Variants in KIF4A observed in about 807,000 individuals in gnomAD.
KIF4A encodes the protein chromosome-associated kinesin KIF4A.
A neutral mutation model predicts 105.9 loss-of-function variants in KIF4A; 7 were observed. The observed-to-expected ratio is 0.07, with a 90% CI of 0.04 to 0.12. KIF4A has a LOEUF of 0.12. Among genes scored for constraint, KIF4A ranks in the 10% least tolerant of loss-of-function variants. The pLI is 1.00. For missense variants in KIF4A, 558 were observed against 929.2 expected, an observed-to-expected ratio of 0.60 and a Z score of 5.19; for synonymous variants, 281 against 331.3, an observed-to-expected ratio of 0.85 and a Z score of 1.65.
chrX:70,404,631 C>T (rs984845696), intron 24 of KIF4A, 84 bp from the exon 25 acceptor site: 2 of 585,273 alleles, frequency 3.4e-6, no homozygotes, highest in African/African-American at 4.5e-5. Flanking sequence ...GAGCAGTCAC[C>T]TGGATCACTG....
chrX:70,300,084 C>G (rs1171615783), intron 5 of KIF4A, among the ~76,000 whole-genome samples: 1 of 111,600 alleles, frequency 9.0e-6, no homozygotes, highest in Non-Finnish European at 1.9e-5. Context: ...CTCCTGTTCT[C>G]CTTCCCTTCT....
intron 13 of KIF4A, among the ~76,000 whole-genome samples, chrX:70,344,374 A>G (rs1446784987): frequency 8.9e-6 from 1 of 111,909 alleles, no homozygotes; most frequent in Non-Finnish European, 1.9e-5. Context: ...AGGGAATACC[A>G]TAAGCCTCTT....
chrX:70,355,353 C>G (rs1181652609), intron 15 of KIF4A, among the ~76,000 whole-genome samples: 1 of 111,503 alleles, frequency 9.0e-6, no homozygotes, highest in Non-Finnish European at 1.9e-5. Context: ...CAGCCCCAGT[C>G]CCTCCCCAGG....
rs150666581 is a variant in KIF4A at position 70,361,924 on chromosome X, C to T, written c.1674+8117C>T. 3.0e-3 allele frequency among the ~76,000 whole-genome samples: 340 copies of T among 112,353 alleles called. 2 individuals are homozygous for T. Among genetic ancestry groups the T allele is most frequent in the African/African-American group, 0.011 (334 of 30,986 alleles). Reference sequence around the variant, plus strand: ...CATTCAGACTCTGAGTCTCTGTGTGCACCTGGGATGCCTCACCCTCTTTGT... The same window carrying T: ...CATTCAGACTCTGAGTCTCTGTGTGTACCTGGGATGCCTCACCCTCTTTGT... On this transcript the variant is annotated intron_variant, in intron 15 of 30. Coordinates refer to ENST00000374403, the MANE Select transcript of KIF4A (RefSeq NM_012310.5).
chrX:70,411,770 T>C (rs919630743), intron 28 of KIF4A, among the ~76,000 whole-genome samples: 2 of 110,849 alleles, frequency 1.8e-5, no homozygotes. Flanking sequence ...AAAGAATCCC[T>C]TGGCCGGGTG....
chrX:70,353,806 A>G lies in KIF4A; in HGVS notation c.1673A>G (p.Gln558Arg), dbSNP rs749084945. The change falls in exon 15 of 31, where the codon CAG (glutamine) becomes CGG (arginine). Residue 558 changes from glutamine (Q) to arginine (R), a missense_variant and splice_region_variant. Gln to Arg is a conservative substitution (Grantham distance 43). Around this residue, in one of 2 missense-constraint regions of KIF4A, gnomAD observed 469 missense variants for 680.4 expected, o/e 0.69. Coordinates refer to ENST00000374403, the MANE Select transcript of KIF4A (RefSeq NM_012310.5). ...SQLQPIQYQYQDNIKELELEV... is the reference protein window; with the variant it reads ...SQLQPIQYQYRDNIKELELEV... ...CTGCAGCCCATTCAGTACCAATACC[A>G]GGTAAACTATTTCCTAGGGCAGTAT... The G allele has an allele frequency of 8.6e-7, 1 of 1,161,592 alleles. No homozygotes were observed. The highest frequency in any genetic ancestry group is 2.0e-5 in the South Asian group (1 of 51,026).
rs1173335211 is a variant in KIF4A, at chrX:70,290,767, A to G, written c.197A>G (p.Asn66Ser). The change falls in exon 3 of 31, where the codon AAT (asparagine) becomes AGT (serine). Residue 66 changes from asparagine (N) to serine (S), a missense_variant. Transcript: ENST00000374403. ...TCTACTGAACAGGAAGAAGTCTTCA[A>G]TACAGCAGTAGCGCCACTCATAAAA... ...DPSTEQEEVF[N>S]TAVAPLIKGV... The G allele has an allele frequency of 1.7e-6, 2 of 1,201,914 alleles. No homozygotes were observed. The highest frequency in any genetic ancestry group is 1.1e-6 in the Non-Finnish European group (1 of 887,795).
intron 10 of KIF4A, among the ~76,000 whole-genome samples, chrX:70,337,564 G>T (rs1018687716): frequency 9.0e-6 from 1 of 110,824 alleles, no homozygotes; most frequent in Non-Finnish European, 1.9e-5. Context: ...CAGCTACTTG[G>T]GAGGCTGAGT....
chrX:70,364,643 G>C (rs1163429294), intron 15 of KIF4A, among the ~76,000 whole-genome samples: 1 of 111,257 alleles, frequency 9.0e-6, no homozygotes, highest in Non-Finnish European at 1.9e-5. Context: ...GGTTGCTGTA[G>C]CCTTGTAGTA....
At chrX:70,378,145 T>G (rs746261350) in intron 18 of KIF4A, among the ~76,000 whole-genome samples, 15 of 111,885 alleles carry the variant, frequency 1.3e-4, no homozygotes, top group Non-Finnish European at 2.1e-4. Flanking sequence ...CCAAAACTTA[T>G]GAGATACAGC....
chrX:70,303,938 T>TTAG (rs201356107), intron 7 of KIF4A, among the ~76,000 whole-genome samples: 3 of 82,293 alleles, frequency 3.6e-5, no homozygotes, highest in Non-Finnish European at 7.1e-5. Context: ...TTATTTTATT[T>TTAG]TATTATTATT....
chrX:70,367,186 G>T (rs2086107912), intron 15 of KIF4A, among the ~76,000 whole-genome samples: 1 of 111,404 alleles, frequency 9.0e-6, no homozygotes, highest in African/African-American at 3.3e-5. Flanking sequence ...CACACTGATG[G>T]GTCTTGACTC....
chrX:70,333,498 A>T, intron 9 of KIF4A, 130 bp from the exon 10 acceptor site: 1 of 483,681 alleles, frequency 2.1e-6, no homozygotes, highest in Non-Finnish European at 3.7e-6. Flanking sequence ...TATCTAAGGT[A>T]TGCTATCTGC....
At chrX:70,390,012 CTT>C (rs901080174) in intron 20 of KIF4A, among the ~76,000 whole-genome samples, 2 of 112,238 alleles carry the variant, frequency 1.8e-5, no homozygotes, top group African/African-American at 6.5e-5. Context: ...CAGTATATCT[CTT>C]TATTTAGGTT....
chrX:70,346,390 G>T (rs1351351166), intron 13 of KIF4A, among the ~76,000 whole-genome samples: 2 of 111,382 alleles, frequency 1.8e-5, no homozygotes, highest in African/African-American at 6.5e-5. Flanking sequence ...AGTGACCCAG[G>T]GTACCCACCA....
At chrX:70,296,977 A>T (rs2085785820) in intron 3 of KIF4A, 21 bp from the exon 4 acceptor site, 1 of 1,197,049 alleles carries the variant, frequency 8.4e-7, no homozygotes, top group Non-Finnish European at 1.1e-6. Context: ...ACCACTATGC[A>T]TGTGACGTCT....
intron 7 of KIF4A, among the ~76,000 whole-genome samples, chrX:70,303,369 A>G (rs2085811985): frequency 8.9e-6 from 1 of 112,239 alleles, no homozygotes; most frequent in Non-Finnish European, 1.9e-5. Flanking sequence ...ATCTGGTCCA[A>G]GATATTTGAA....
At chrX:70,417,664 A>G (rs1383190273) in intron 28 of KIF4A, among the ~76,000 whole-genome samples, 2 of 112,008 alleles carry the variant, frequency 1.8e-5, no homozygotes, top group Non-Finnish European at 3.8e-5. Context: ...AAAAGAAAAG[A>G]AAAGGAAATG....
chrX:70,290,475 A>G lies in KIF4A; in HGVS notation c.17A>G (p.Lys6Arg), dbSNP rs1227034446. Residue 6 changes from lysine (K) to arginine (R), a missense_variant, in exon 2 of 31, where the codon AAG becomes AGG. Physicochemically the swap from Lys to Arg is conservative, Grantham distance 26 (BLOSUM62 2). Around this residue, in one of 2 missense-constraint regions of KIF4A, gnomAD observed 89 missense variants for 248.8 expected, o/e 0.36. Transcript: ENST00000374403. ...GATAGGATCATGAAGGAAGAGGTGA[A>G]GGGAATTCCCGTAAGAGTGGCGCTG... MKEEV[K>R]GIPVRVALRC... 1 of 1,210,227 alleles carries G rather than the reference A, an allele frequency of 8.3e-7. No homozygotes were observed. The highest frequency in any genetic ancestry group is 1.7e-5 in the African/African-American group (1 of 57,636).
Sources: allele counts gnomAD v4.1 joint callset (sites outside exome capture counted in the v4.1 genomes callset), GRCh38; gene constraint gnomAD v4.1.1; regional missense constraint gnomAD v4.1.1; transcripts MANE v1.5; gene names NCBI Gene and HGNC (gene_info 2026-07-23, HGNC 2026-07-21).